Variants in SLC27A6 observed in about 807,000 individuals in gnomAD.
SLC27A6 encodes the protein long-chain fatty acid transport protein 6.
Under a neutral mutation model 63.9 loss-of-function variants are expected in SLC27A6, and 74 were observed. The observed-to-expected ratio is 1.16, with a 90% CI of 0.96 to 1.40. The LOEUF is 1.40. Among genes scored for constraint, SLC27A6 ranks in the 40% most tolerant of loss-of-function variants. The probability of loss-of-function intolerance (pLI) is 0.00; values close to 1 mark genes in which losing one functional copy is unlikely to be tolerated. For synonymous variants in SLC27A6, 287 were observed against 260.8 expected (o/e 1.10, Z -0.97); for missense variants, 794 against 732.9 (o/e 1.08, Z -0.96).
chr5:128,973,422 C>T (rs935691266), intron 1 of SLC27A6, among the ~76,000 whole-genome samples: 6 of 152,186 alleles, frequency 3.9e-5, no homozygotes, highest in African/African-American at 9.7e-5. Context: ...CTGTGGTGGG[C>T]TCCACCCAGT....
At chr5:129,013,888 A>G (rs769537535) in intron 4 of SLC27A6, among the ~76,000 whole-genome samples, 1 of 152,092 alleles carries the variant, frequency 6.6e-6, no homozygotes, top group African/African-American at 2.4e-5. Context: ...TTTAATCATC[A>G]TATTTCAGAA....
At chr5:129,016,283 C>A (rs1195591777) in intron 5 of SLC27A6, among the ~76,000 whole-genome samples, 1 of 149,488 alleles carries the variant, frequency 6.7e-6, no homozygotes, top group Non-Finnish European at 1.5e-5. Context: ...GTAGTCCCAA[C>A]TAGTTGGGAG....
At chr5:129,019,459 A>C (rs2431704) in intron 5 of SLC27A6, among the ~76,000 whole-genome samples, 33,654 of 151,666 alleles carry the variant, frequency 0.22, 3,803 homozygotes, top group Middle Eastern at 0.29. Context: ...AAATGAATCT[A>C]AATGAAAGGC....
At chr5:128,967,790 C>A (rs1167144190) in intron 1 of SLC27A6, among the ~76,000 whole-genome samples, 1 of 151,948 alleles carries the variant, frequency 6.6e-6, no homozygotes, top group Non-Finnish European at 1.5e-5. Flanking sequence ...ACTTTAAGTT[C>A]TAGAGTACAT....
At position 128,966,069 on chromosome 5, in the gene SLC27A6, G is replaced by A. The variant is rs1749875436; in HGVS notation, c.-69G>A. 2.7e-6 allele frequency: 4 copies of A among 1,505,894 alleles called. No homozygotes were observed. In the African/African-American group the frequency reaches 4.2e-5, roughly 16 times the overall value. The allele number at this position is 1,505,894 out of a possible 1,614,324, so 93.3% of individuals were successfully genotyped here. A position where few individuals can be genotyped will look rare whatever the true frequency, so the allele number is the denominator to read the frequency against. Reference sequence around the variant, plus strand: ...TGAGGATCTGCGGTCTCCGTGGAGAGCTGTGCCTGGAAGAGAAGGACGCTG... The same window carrying A: ...TGAGGATCTGCGGTCTCCGTGGAGAACTGTGCCTGGAAGAGAAGGACGCTG... On this transcript the variant is annotated 5_prime_UTR_variant, in exon 1 of 10. Coordinates refer to ENST00000262462, the MANE Select transcript of SLC27A6 (RefSeq NM_001017372.3).
intron 5 of SLC27A6, among the ~76,000 whole-genome samples, chr5:129,022,474 C>G (rs929486862): frequency 6.6e-5 from 10 of 152,146 alleles, no homozygotes; most frequent in Admixed American, 4.6e-4. Flanking sequence ...ACTATTGCAT[C>G]TATCTCAATC....
intron 1 of SLC27A6, among the ~76,000 whole-genome samples, chr5:128,972,318 G>T (rs1750201711): frequency 6.6e-6 from 1 of 152,186 alleles, no homozygotes; most frequent in African/African-American, 2.4e-5. Flanking sequence ...TGCCTTGCTA[G>T]GTAGGGTAAG....
At chr5:128,981,197 T>C (rs1211330219) in intron 1 of SLC27A6, among the ~76,000 whole-genome samples, 1 of 152,156 alleles carries the variant, frequency 6.6e-6, no homozygotes, top group East Asian at 1.9e-4. Context: ...TCCAGCTGTC[T>C]GGCTGGGCGT....
At chr5:129,028,647 T>G (rs1353920402) in intron 8 of SLC27A6, among the ~76,000 whole-genome samples, 2 of 148,896 alleles carry the variant, frequency 1.3e-5, no homozygotes, top group African/African-American at 2.5e-5. Flanking sequence ...TGAATTTTAA[T>G]GCCTGCGTGT....
intron 5 of SLC27A6, among the ~76,000 whole-genome samples, chr5:129,018,283 C>T (rs944487267): frequency 3.3e-5 from 5 of 152,074 alleles, no homozygotes; most frequent in Non-Finnish European, 5.9e-5. Flanking sequence ...AACTGCCATA[C>T]CTCAAAGAAC....
chr5:129,025,761 G>C (rs1720778529), intron 6 of SLC27A6, among the ~76,000 whole-genome samples: 1 of 152,074 alleles, frequency 6.6e-6, no homozygotes, highest in Non-Finnish European at 1.5e-5. Context: ...AGACTGCTGG[G>C]GCAGAGAAGA....
At chr5:129,014,499 T>C (rs1353443033) in intron 4 of SLC27A6, among the ~76,000 whole-genome samples, 1 of 152,204 alleles carries the variant, frequency 6.6e-6, no homozygotes, top group East Asian at 1.9e-4. Flanking sequence ...GGAACAGGTA[T>C]GCATGACCTG....
At position 128,966,346 on chromosome 5, in the gene SLC27A6, A is replaced by G; in HGVS notation, c.209A>G (p.Lys70Arg). The change falls in exon 1 of 10, where the codon AAA (lysine) becomes AGA (arginine). Residue 70 changes from lysine to arginine, a missense_variant. Transcript: ENST00000262462. ...FLSHAKRQPRKPFIIYEGDIY... is the reference protein window; with the variant it reads ...FLSHAKRQPRRPFIIYEGDIY... ...AGTCATGCCAAAAGACAACCTCGGA[A>G]ACCTTTCATCATCTATGAGGGAGAC... 1 of 1,612,392 alleles carries G rather than the reference A, an allele frequency of 6.2e-7. No homozygotes were observed.
chr5:128,985,034 T>C, intron 1 of SLC27A6, 99 bp from the exon 2 acceptor site: 1 of 765,460 alleles, frequency 1.3e-6, no homozygotes, highest in Non-Finnish European at 2.1e-6. Context: ...CAGCATTTTA[T>C]TTACATTTTA....
At chr5:129,010,451 G>C (rs7729201) in intron 4 of SLC27A6, among the ~76,000 whole-genome samples, 1 of 152,108 alleles carries the variant, frequency 6.6e-6, no homozygotes, top group Non-Finnish European at 1.5e-5. Context: ...GATTATCCTG[G>C]TGGATACAAT....
In SLC27A6 at chr5:128,988,285, G is replaced by A. The variant is rs371300376; in HGVS notation, c.686-315G>A. Among the ~76,000 whole-genome samples the A allele has an allele frequency of 3.5e-4, 54 of 152,292 alleles. 1 individual carries two copies. Among genetic ancestry groups the A allele is most frequent in the African/African-American group, 1.3e-3 (52 of 41,548 alleles). ...AAATGCTCTTTATCAGATAGCTACT[G>A]AAACCAAATGTGTGCTACCACTGTA... On this transcript the variant is annotated intron_variant, in intron 2 of 9. Transcript: ENST00000262462.
At chr5:129,009,818 G>A (rs1751669469) in intron 4 of SLC27A6, among the ~76,000 whole-genome samples, 3 of 151,958 alleles carry the variant, frequency 2.0e-5, no homozygotes, top group Non-Finnish European at 1.5e-5. Context: ...GGGACTACAG[G>A]TGCACGCTGC....
Position 129,023,685 on chromosome 5 carries a change from G to C in SLC27A6, c.1230G>C (p.Gln410His), listed in dbSNP as rs1752146832. 1.2e-6 allele frequency: 2 copies of C among 1,609,760 alleles called. No individual in the cohort carries two copies. The highest frequency in any genetic ancestry group is 8.5e-7 in the Non-Finnish European group (1 of 1,177,916). Reference protein sequence around the residue: ...FQKDEPMRNEQGWCIHVKKGE... With the variant: ...FQKDEPMRNEHGWCIHVKKGE... ...AAGATGAACCCATGAGAAATGAGCA[G>C]GGTTGGTGTATTCATGTGAAAAAAG... The change falls in exon 6 of 10, where the codon CAG becomes CAC. Residue 410 changes from glutamine to histidine, a missense_variant. By Grantham distance (24) the Gln-to-His change is conservative. Transcript: ENST00000262462.
intron 4 of SLC27A6, among the ~76,000 whole-genome samples, chr5:128,994,951 A>C (rs1751106690): frequency 6.6e-6 from 1 of 152,176 alleles, no homozygotes; most frequent in Admixed American, 6.5e-5. Flanking sequence ...ACTTCTTTAA[A>C]ACTGCTGGCA....
Sources: allele counts gnomAD v4.1 joint callset (sites outside exome capture counted in the v4.1 genomes callset), GRCh38; gene constraint gnomAD v4.1.1; transcripts MANE v1.5; gene names NCBI Gene and HGNC (gene_info 2026-07-23, HGNC 2026-07-21).